The following SNX8 variants were observed in gnomAD, a reference collection of about 807,000 sequenced individuals.
The protein encoded by SNX8 is sorting nexin 8.
In SNX8, 25 loss-of-function variants were observed where a neutral mutation model predicts 51.6. The ratio of observed to expected loss-of-function variants is 0.48; its 90% CI spans 0.35 to 0.68. The LOEUF is 0.68. SNX8 is among the 30% of genes least tolerant of loss of function. The pLI, the probability that SNX8 is intolerant of heterozygous loss-of-function variation, is 0.00. For synonymous variants in SNX8, 324 were observed against 277.0 expected (o/e 1.17, Z -1.68); for missense variants, 695 against 624.0 (o/e 1.11, Z -1.21).
At chr7:2,349,586 A>G (rs1779101348) in intron 1 of SNX8, among the ~76,000 whole-genome samples, 1 of 151,436 alleles carries the variant, frequency 6.6e-6, no homozygotes, top group Admixed American at 6.6e-5. Context: ...CTGGGACTAC[A>G]GGAGCACGCC....
chr7:2,301,307 C>A (rs932135630), intron 1 of SNX8, among the ~76,000 whole-genome samples: 3 of 133,504 alleles, frequency 2.2e-5, no homozygotes, highest in Non-Finnish European at 3.3e-5. Context: ...TGAATCCCAG[C>A]ACCACCACCT....
At chr7:2,276,011 A>G (rs1359920667) in intron 2 of SNX8, among the ~76,000 whole-genome samples, 1 of 152,120 alleles carries the variant, frequency 6.6e-6, no homozygotes, top group East Asian at 1.9e-4. Context: ...AAAAAAAAAA[A>G]AACTAAACAA....
chr7:2,294,845 G>A (rs1215492406), intron 1 of SNX8, among the ~76,000 whole-genome samples: 1 of 151,954 alleles, frequency 6.6e-6, no homozygotes, highest in East Asian at 1.9e-4. Context: ...ACCAGCCCGG[G>A]GAACATGGCA....
intron 1 of SNX8, among the ~76,000 whole-genome samples, chr7:2,321,468 C>A (rs186992755): frequency 0.01 from 1,542 of 151,078 alleles, 21 homozygotes; most frequent in African/African-American, 0.036. Context: ...CCTCTGTCAC[C>A]CAGGCTGGAG....
At chr7:2,314,060 G>A (rs1269522696) in intron 1 of SNX8, among the ~76,000 whole-genome samples, 3 of 152,228 alleles carry the variant, frequency 2.0e-5, no homozygotes, top group Non-Finnish European at 4.4e-5. Flanking sequence ...CTCGGAACGC[G>A]GCCAGCTGTA....
intron 1 of SNX8, among the ~76,000 whole-genome samples, chr7:2,285,788 T>C (rs1457414982): frequency 6.6e-6 from 1 of 152,082 alleles, no homozygotes; most frequent in Non-Finnish European, 1.5e-5. Context: ...CACCTCAGCC[T>C]CCCAAGTAGC....
intron 1 of SNX8, among the ~76,000 whole-genome samples, chr7:2,301,038 T>C (rs1175816750): frequency 6.6e-6 from 1 of 152,232 alleles, no homozygotes; most frequent in Non-Finnish European, 1.5e-5. Context: ...TGAATTTACA[T>C]GCTCTTTCAT....
chr7:2,325,772 C>T (rs1472023419), intron 1 of SNX8, among the ~76,000 whole-genome samples: 1 of 152,046 alleles, frequency 6.6e-6, no homozygotes, highest in African/African-American at 2.4e-5. Context: ...GCGGAGACTG[C>T]AGTGAGCCAA....
intron 10 of SNX8, among the ~76,000 whole-genome samples, chr7:2,256,184 C>T (rs951224094): frequency 2.0e-5 from 3 of 152,178 alleles, no homozygotes; most frequent in Non-Finnish European, 2.9e-5. Flanking sequence ...TCTCCAGCCC[C>T]ACCACGGCCG....
chr7:2,324,934 T>C (rs951563075), intron 1 of SNX8, among the ~76,000 whole-genome samples: 5 of 147,892 alleles, frequency 3.4e-5, no homozygotes, highest in African/African-American at 1.3e-4. Flanking sequence ...GCCTGCTGCG[T>C]AGCTGGGACT....
In SNX8 at chr7:2,306,079, G is replaced by A. The variant is rs138426930; in HGVS notation, c.94+8249C>T. Among the ~76,000 whole-genome samples, 5 of 152,226 alleles carry A rather than the reference G, an allele frequency of 3.3e-5. No individual in the cohort carries two copies. In the East Asian group the frequency reaches 9.7e-4, roughly 29 times the overall value. ...CTTATCCCTTATCAGGCTCTGTAGG[G>A]TCTCCCAAAGCATTGGGATTACAGG... On this transcript the variant is annotated intron_variant, in intron 1 of 10. Coordinates refer to ENST00000222990, the MANE Select transcript of SNX8 (RefSeq NM_013321.4).
At chr7:2,274,956 C>T (rs1199823504) in intron 3 of SNX8, 156 bp downstream of exon 3, 3 of 611,552 alleles carry the variant, frequency 4.9e-6, no homozygotes, top group Non-Finnish European at 2.9e-6. Context: ...TGGGCTCAAG[C>T]CACAGCTCTG....
chr7:2,309,530 G>A (rs868789229), intron 1 of SNX8, among the ~76,000 whole-genome samples: 34 of 151,838 alleles, frequency 2.2e-4, no homozygotes, highest in South Asian at 6.3e-4. Context: ...TTGGGAGTTC[G>A]AGACCAGCCT....
intron 1 of SNX8, among the ~76,000 whole-genome samples, chr7:2,291,603 GAAAA>G (rs1363564616): frequency 7.5e-6 from 1 of 133,632 alleles, no homozygotes; most frequent in South Asian, 2.4e-4. Context: ...GTCTCAAAAA[GAAAA>G]AAGAAAAAAA....
chr7:2,337,852 TAAA>T (rs66642038), intron 1 of SNX8, among the ~76,000 whole-genome samples: 2 of 131,492 alleles, frequency 1.5e-5, no homozygotes, highest in Non-Finnish European at 1.6e-5. Context: ...GGATATCTTG[TAAA>T]AAAAAAAAAA....
At position 2,319,606 on chromosome 7, in the gene SNX8, G is replaced by A. The variant is rs1011508524; in HGVS notation, c.-66+34616C>T. Among the ~76,000 whole-genome samples, 10 of 152,306 alleles carry A rather than the reference G, an allele frequency of 6.6e-5. No individual in the cohort carries two copies. The South Asian group carries it at 8.3e-4, about 13-fold the overall frequency. On this transcript the variant is annotated intron_variant, in intron 1 of 5. Coordinates refer to the SNX8 transcript ENST00000435336. ...TGAGGTGGGCAGATCACAAGGTCAG[G>A]AGATCGAGACCATCCTGGCTAACAC...
chr7:2,347,482 AAAAAAAAAAAAAAAAAAG>A (rs1480806274), intron 1 of SNX8, among the ~76,000 whole-genome samples: 21 of 82,410 alleles, frequency 2.5e-4, no homozygotes, highest in Admixed American at 7.0e-4. Flanking sequence ...TGCTGTCTCA[AAAAAAAAAAAAAAAAAAG>A]AAAAAAAAAA....
At chr7:2,268,531 G>C (rs1285811458) in intron 5 of SNX8, among the ~76,000 whole-genome samples, 3 of 136,096 alleles carry the variant, frequency 2.2e-5, no homozygotes, top group Non-Finnish European at 3.2e-5. Flanking sequence ...GGCCAGCCGT[G>C]CCATCCGGGA....
Position 2,269,604 on chromosome 7 carries a change from G to A in SNX8, c.576C>T (p.Cys192=), listed in dbSNP as rs945825819. 1.7e-5 allele frequency: 27 copies of A among 1,599,540 alleles called. No individual in the cohort carries two copies. Among genetic ancestry groups the A allele is most frequent in the Non-Finnish European group, 2.3e-5 (27 of 1,173,520 alleles). ...TACAGTTCAGGAATTCGTCCCCGAC[G>A]CACTGTGCTGACTCCTTTAACTTGT... The part of the protein sequence containing the change: ...VQNKLKESAQ[C]VGDEFLNCKL... The change falls in exon 5 of 11, where the codon TGC becomes TGT. Residue 192 remains cysteine (C), a synonymous_variant. Coordinates refer to ENST00000222990, the MANE Select transcript of SNX8 (RefSeq NM_013321.4).
Sources: allele counts gnomAD v4.1 joint callset (sites outside exome capture counted in the v4.1 genomes callset), GRCh38; gene constraint gnomAD v4.1.1; transcripts MANE v1.5; gene names NCBI Gene and HGNC (gene_info 2026-07-23, HGNC 2026-07-21).